Variants in TEX36 observed in about 807,000 individuals in gnomAD.
TEX36 encodes the protein testis-expressed protein 36.
Under a neutral mutation model 13.6 loss-of-function variants are expected in TEX36, and 12 were observed. That is an observed-to-expected ratio of 0.88 (90% CI 0.56 to 1.43). TEX36 has a LOEUF of 1.43. Among genes scored for constraint, TEX36 ranks in the 40% most tolerant of loss-of-function variants. The pLI is 0.00. For missense variants in TEX36, 224 were observed against 228.3 expected (o/e 0.98, Z 0.12); for synonymous variants, 93 against 83.0 (o/e 1.12, Z -0.65).
At chr10:125,632,046 T>C (rs1005034567) in intron 3 of TEX36, among the ~76,000 whole-genome samples, 1 of 151,844 alleles carries the variant, frequency 6.6e-6, no homozygotes, top group African/African-American at 2.4e-5. Context: ...TGGGGCAGTG[T>C]GTGTGGGAGT....
chr10:125,635,158 A>T (rs1349447423), intron 3 of TEX36, among the ~76,000 whole-genome samples: 2 of 152,202 alleles, frequency 1.3e-5, no homozygotes, highest in African/African-American at 4.8e-5. Flanking sequence ...ATTTAACAGC[A>T]AAGAGTCTTG....
chr10:125,667,946 G>T, intron 1 of TEX36: 2 of 1,066,060 alleles, frequency 1.9e-6, no homozygotes, highest in Non-Finnish European at 2.9e-6. Context: ...ATATCGGTAG[G>T]GCATGGTGCT....
intron 3 of TEX36, among the ~76,000 whole-genome samples, chr10:125,587,152 T>C (rs568397926): frequency 9.2e-5 from 14 of 152,244 alleles, no homozygotes; most frequent in African/African-American, 3.4e-4. Context: ...TAAACCTCTT[T>C]TCTTCATAAA....
chr10:125,667,390 C>T (rs1038491696), intron 1 of TEX36: 84 of 652,894 alleles, frequency 1.3e-4, no homozygotes, highest in Middle Eastern at 2.6e-4. Context: ...TCTCAGGCTC[C>T]GCAATGGGCA....
At chr10:125,673,118 C>T (rs548137462) in intron 1 of TEX36, among the ~76,000 whole-genome samples, 1 of 152,252 alleles carries the variant, frequency 6.6e-6, no homozygotes, top group East Asian at 1.9e-4. Context: ...GGCATTTAGC[C>T]CATTTACATT....
At chr10:125,578,980 T>G (rs1045202577) in intron 3 of TEX36, among the ~76,000 whole-genome samples, 1 of 152,220 alleles carries the variant, frequency 6.6e-6, no homozygotes, top group African/African-American at 2.4e-5. Flanking sequence ...AACTCGTTCC[T>G]GCCTCAGGGC....
chr10:125,635,008 T>C (rs556385747), intron 3 of TEX36, among the ~76,000 whole-genome samples: 1 of 152,252 alleles, frequency 6.6e-6, no homozygotes, highest in African/African-American at 2.4e-5. Context: ...AATGATGAGG[T>C]CTTCCCTTAA....
rs962416801 is a variant in TEX36 at position 125,613,598 on chromosome 10, A to G, written c.265-36724T>C. Among the ~76,000 whole-genome samples the G allele has an allele frequency of 5.3e-5, 8 of 151,844 alleles. 1 individual carries two copies. The highest frequency in any genetic ancestry group is 1.7e-4 in the African/African-American group (7 of 41,386). The stretch of plus-strand genomic sequence containing the variant: ...TTCCAATTTCATCCATGTCCCTACA[A>G]AGGACATGAACTCATCACTTTTTAT... On this transcript the variant is annotated intron_variant, in intron 3 of 3. Coordinates refer to the TEX36 transcript ENST00000532135.
At chr10:125,590,693 C>T (rs1012718707) in intron 3 of TEX36, among the ~76,000 whole-genome samples, 18 of 151,850 alleles carry the variant, frequency 1.2e-4, no homozygotes, top group African/African-American at 2.7e-4. Context: ...TTTATGAAAA[C>T]GCATTGGAAA....
chr10:125,662,124 G>A, intron 1 of TEX36, 147 bp from the exon 2 acceptor site: 2 of 1,160,238 alleles, frequency 1.7e-6, no homozygotes, highest in Non-Finnish European at 2.4e-6. Context: ...TAATTTTCAA[G>A]TATTCTTTCC....
intron 3 of TEX36, among the ~76,000 whole-genome samples, chr10:125,627,332 T>C (rs1414204712): frequency 1.3e-5 from 2 of 152,214 alleles, no homozygotes; most frequent in African/African-American, 2.4e-5. Context: ...ATCTTGGCTA[T>C]TTATCAAATT....
At chr10:125,612,450 G>C (rs1299029400) in intron 3 of TEX36, among the ~76,000 whole-genome samples, 2 of 151,970 alleles carry the variant, frequency 1.3e-5, no homozygotes, top group Non-Finnish European at 2.9e-5. Flanking sequence ...GAGGCTTTCT[G>C]TTTCTTTCTA....
intron 3 of TEX36, among the ~76,000 whole-genome samples, chr10:125,628,500 A>G (rs951472615): frequency 2.0e-5 from 3 of 152,240 alleles, no homozygotes; most frequent in Non-Finnish European, 4.4e-5. Context: ...ATAGATGAGC[A>G]TATCAGTCTC....
chr10:125,655,686 C>T (rs559415274), downstream of TEX36: 5 of 1,241,766 alleles, frequency 4.0e-6, no homozygotes, highest in South Asian at 1.7e-4. Flanking sequence ...TTTAAAACTC[C>T]CCAAAAGTAA....
rs1370715005 is a variant in TEX36, at chr10:125,656,210, T to C, written c.265-14A>G. On this transcript the variant is annotated splice_polypyrimidine_tract_variant and intron_variant, in intron 3 of 3. Transcript: ENST00000368821. Reference sequence around the variant, plus strand: ...ACGTCCCAGGCCCTGGAGAGAAGAATTACAAGATTCGAAGGAAAATATTCA... The same window carrying C: ...ACGTCCCAGGCCCTGGAGAGAAGAACTACAAGATTCGAAGGAAAATATTCA... The C allele has an allele frequency of 2.1e-6, 3 of 1,399,426 alleles. No homozygotes were observed. The highest frequency in any genetic ancestry group is 3.0e-5 in the African/African-American group (2 of 67,700). The allele number at this position is 1,399,426 out of a possible 1,614,324, so 86.7% of individuals were successfully genotyped here.
rs569395816 is a variant in TEX36 at position 125,579,620 on chromosome 10, C to T, written c.265-2746G>A. Reference sequence around the variant, plus strand: ...CAAATTTCATGTTGAATTGTAATTTCCATTGTTCGAGGAGGGTCATGATGG... The same window carrying T: ...CAAATTTCATGTTGAATTGTAATTTTCATTGTTCGAGGAGGGTCATGATGG... On this transcript the variant is annotated intron_variant, in intron 3 of 3. Coordinates refer to the TEX36 transcript ENST00000532135. Among the ~76,000 whole-genome samples, 6 of 152,238 alleles carry T rather than the reference C, an allele frequency of 3.9e-5. No homozygotes were observed. The South Asian group carries it at 1.2e-3, about 32-fold the overall frequency.
At position 125,641,802 on chromosome 10, in the gene TEX36, T is replaced by A. The variant is rs184191186; in HGVS notation, c.264+19219A>T. ...AAAGTGGGTTGTTGTATTGGGGACATCTATGCTAGAGTCCCCAGGACCTAC... is the reference window on the plus strand; with the variant it reads ...AAAGTGGGTTGTTGTATTGGGGACAACTATGCTAGAGTCCCCAGGACCTAC... On this transcript the variant is annotated intron_variant, in intron 3 of 3. Transcript: ENST00000526819. 7.4e-3 allele frequency among the ~76,000 whole-genome samples: 1,125 copies of A among 152,336 alleles called. 16 individuals are homozygous for A. Among genetic ancestry groups the A allele is most frequent in the Non-Finnish European group, 9.4e-3 (639 of 68,022 alleles).
intron 3 of TEX36, among the ~76,000 whole-genome samples, chr10:125,624,271 A>G (rs1466079356): frequency 6.6e-6 from 1 of 152,218 alleles, no homozygotes; most frequent in African/African-American, 2.4e-5. Flanking sequence ...ACAGTGAGAG[A>G]CACCGATGCT....
intron 1 of TEX36, among the ~76,000 whole-genome samples, chr10:125,672,445 T>G (rs1323742043): frequency 6.6e-6 from 1 of 152,176 alleles, no homozygotes; most frequent in East Asian, 1.9e-4. Flanking sequence ...TGGTTTTGAG[T>G]GAGTTTCTTA....
Sources: allele counts gnomAD v4.1 joint callset (sites outside exome capture counted in the v4.1 genomes callset), GRCh38; gene constraint gnomAD v4.1.1; transcripts MANE v1.5; gene names NCBI Gene and HGNC (gene_info 2026-07-23, HGNC 2026-07-21).